Variants in NRG3 observed in about 807,000 individuals in gnomAD.
NRG3 encodes the protein pro-neuregulin-3, membrane-bound isoform.
NRG3 carries 31 observed loss-of-function variants against 66.9 expected under a neutral mutation model. The ratio of observed to expected loss-of-function variants is 0.46; its 90% CI spans 0.35 to 0.63. The LOEUF (loss-of-function observed/expected upper bound fraction) is 0.63. NRG3 is among the 20% of genes least tolerant of loss of function. NRG3 has a pLI of 0.00. For missense variants in NRG3, 910 were observed against 878.9 expected (o/e 1.04, Z -0.45); for synonymous variants, 393 against 359.4 (o/e 1.09, Z -1.06).
chr10:82,762,001 T>G (rs1256326238), intron 3 of NRG3, among the ~76,000 whole-genome samples: 2 of 148,910 alleles, frequency 1.3e-5, no homozygotes, highest in Admixed American at 1.3e-4. Context: ...TCTTTTCCTT[T>G]CTCTCTTTCT....
At chr10:82,545,555 G>T (rs2132812509) in intron 2 of NRG3, among the ~76,000 whole-genome samples, 1 of 151,466 alleles carries the variant, frequency 6.6e-6, no homozygotes. Context: ...ATTTCTTTTT[G>T]TATTTTTAGT....
At chr10:82,445,752 T>C (rs2090687997) in intron 2 of NRG3, among the ~76,000 whole-genome samples, 1 of 152,190 alleles carries the variant, frequency 6.6e-6, no homozygotes, top group African/African-American at 2.4e-5. Context: ...ACTCCCAAAC[T>C]TGTATAACTC....
At chr10:82,478,072 A>T (rs1195467668) in intron 2 of NRG3, among the ~76,000 whole-genome samples, 2 of 152,188 alleles carry the variant, frequency 1.3e-5, no homozygotes, top group African/African-American at 4.8e-5. Flanking sequence ...AAGTAATAAC[A>T]TGAATCCTAA....
At chr10:82,158,328 T>C (rs1045703651) in intron 1 of NRG3, among the ~76,000 whole-genome samples, 4 of 151,782 alleles carry the variant, frequency 2.6e-5, no homozygotes, top group African/African-American at 7.2e-5. Flanking sequence ...AATTTAATTG[T>C]CATCTAAATG....
intron 1 of NRG3, among the ~76,000 whole-genome samples, chr10:81,998,961 C>A (rs950836206): frequency 6.6e-6 from 1 of 152,180 alleles, no homozygotes; most frequent in East Asian, 1.9e-4. Flanking sequence ...GGATTACAGG[C>A]GCCCACTGAT....
intron 4 of NRG3, among the ~76,000 whole-genome samples, chr10:82,881,160 C>T (rs1842266488): frequency 6.6e-6 from 1 of 152,226 alleles, no homozygotes; most frequent in Non-Finnish European, 1.5e-5. Context: ...AACCTGCAAG[C>T]TCATTGGTTC....
chr10:81,988,840 A>G (rs904053454), intron 1 of NRG3, among the ~76,000 whole-genome samples: 1 of 152,130 alleles, frequency 6.6e-6, no homozygotes. Flanking sequence ...AAGTGCAATG[A>G]TAAATCAATG....
At chr10:82,350,069 C>T (rs933969045) in intron 1 of NRG3, among the ~76,000 whole-genome samples, 7 of 152,254 alleles carry the variant, frequency 4.6e-5, no homozygotes, top group African/African-American at 1.2e-4. Flanking sequence ...TGTTCCTATT[C>T]GGCCATCTTG....
intron 1 of NRG3, among the ~76,000 whole-genome samples, chr10:82,009,061 A>T (rs527507526): frequency 1.3e-4 from 20 of 152,276 alleles, no homozygotes; most frequent in African/African-American, 4.3e-4. Flanking sequence ...GATGTACTAC[A>T]ACTCCCAGCT....
chr10:82,116,447 A>C (rs2132305353), intron 1 of NRG3, among the ~76,000 whole-genome samples: 1 of 152,266 alleles, frequency 6.6e-6, no homozygotes, highest in South Asian at 2.1e-4. Flanking sequence ...TAATTTAGAA[A>C]CTATGAATGC....
chr10:81,885,679 C>T (rs1248668844), intron 1 of NRG3, among the ~76,000 whole-genome samples: 1 of 152,136 alleles, frequency 6.6e-6, no homozygotes, highest in Non-Finnish European at 1.5e-5. Flanking sequence ...GATCACGTGA[C>T]ACTCATTTGA....
At chr10:82,387,425 T>TA (rs1468872901) in intron 2 of NRG3, among the ~76,000 whole-genome samples, 2 of 152,340 alleles carry the variant, frequency 1.3e-5, no homozygotes, top group African/African-American at 2.4e-5. Context: ...GGCATTGTCT[T>TA]AGGTGACGCA....
chr10:82,365,546 T>C (rs1433141256), intron 2 of NRG3, among the ~76,000 whole-genome samples: 1 of 152,194 alleles, frequency 6.6e-6, no homozygotes, highest in Non-Finnish European at 1.5e-5. Flanking sequence ...GTCATGATAG[T>C]CTTAGAAACT....
At chr10:82,017,117 A>T (rs1274773239) in intron 1 of NRG3, among the ~76,000 whole-genome samples, 3 of 151,940 alleles carry the variant, frequency 2.0e-5, no homozygotes. Flanking sequence ...CCGGTGTGTG[A>T]TGTTCCCCTT....
intron 1 of NRG3, among the ~76,000 whole-genome samples, chr10:82,139,886 T>G (rs1195151183): frequency 7.3e-6 from 1 of 137,450 alleles, no homozygotes; most frequent in Non-Finnish European, 1.6e-5. Context: ...ATATTTCATA[T>G]ATTTGTATTT....
intron 2 of NRG3, among the ~76,000 whole-genome samples, chr10:82,438,541 G>C (rs988875379): frequency 6.6e-6 from 1 of 152,230 alleles, no homozygotes; most frequent in Non-Finnish European, 1.5e-5. Flanking sequence ...TTAGACAACA[G>C]GCAGCTGCAG....
At chr10:82,946,533 G>A (rs1849039500) in intron 4 of NRG3, among the ~76,000 whole-genome samples, 1 of 150,528 alleles carries the variant, frequency 6.6e-6, no homozygotes, top group Non-Finnish European at 1.5e-5. Context: ...GCAGGACTCT[G>A]CCTCAAAAAA....
At chr10:81,993,386 A>G (rs1184802591) in intron 1 of NRG3, among the ~76,000 whole-genome samples, 2 of 152,056 alleles carry the variant, frequency 1.3e-5, no homozygotes, top group Non-Finnish European at 2.9e-5. Context: ...TTGCTCTCTC[A>G]CCCAGGCTGG....
chr10:82,112,459 T>G (rs2067445098), intron 1 of NRG3, among the ~76,000 whole-genome samples: 1 of 152,142 alleles, frequency 6.6e-6, no homozygotes, highest in South Asian at 2.1e-4. Flanking sequence ...TTTCCGATTT[T>G]ATGGGCAATA....
Sources: gnomAD v4.1 joint callset for allele counts (sites outside exome capture counted in the v4.1 genomes callset) on GRCh38, gnomAD v4.1.1 for gene constraint, MANE v1.5 for transcripts, NCBI Gene and HGNC (gene_info 2026-07-23, HGNC 2026-07-21) for gene names.